PDLIM2: variants seen among roughly 807,000 people sequenced by gnomAD.
The protein encoded by PDLIM2 is PDZ and LIM domain 2, also known as PDZ and LIM domain protein 2.
Under a neutral mutation model 54.1 loss-of-function variants are expected in PDLIM2, and 51 were observed. The ratio of observed to expected loss-of-function variants is 0.94; its 90% CI spans 0.75 to 1.19. PDLIM2 has a LOEUF of 1.19. Ranked by LOEUF, PDLIM2 falls within the 50% of genes most tolerant of loss-of-function variation. PDLIM2 has a pLI of 0.00. For synonymous variants in PDLIM2, 398 were observed against 385.6 expected (o/e 1.03, Z -0.38); for missense variants, 912 against 874.0 (o/e 1.04, Z -0.55).
chr8:22,585,126 G>A lies in PDLIM2; in HGVS notation c.1175G>A (p.Ser392Asn). 1 of 1,613,718 alleles carries A rather than the reference G, an allele frequency of 6.2e-7. No individual in the cohort carries two copies. The highest frequency in any genetic ancestry group is 8.5e-7 in the Non-Finnish European group (1 of 1,179,998). Reference sequence around the variant, plus strand: ...AGCCCCTTCTCACCACCACCCTCTAGCAGCTCCCTCACTGGAGAGGCAGCC... The same window carrying A: ...AGCCCCTTCTCACCACCACCCTCTAACAGCTCCCTCACTGGAGAGGCAGCC... The change falls in exon 5 of 10, where the codon AGC becomes AAC. Residue 392 changes from serine (S) to asparagine (N), a missense_variant. Coordinates refer to ENST00000308354, the Ensembl canonical transcript of PDLIM2.
intron 3 of PDLIM2, 51 bp downstream of exon 2, chr8:22,581,581 C>T (rs1346005995): frequency 2.0e-6 from 3 of 1,523,554 alleles, no homozygotes; most frequent in Non-Finnish European, 2.6e-6. Context: ...CCTCCACCAC[C>T]CCACGTATTG....
chr8:22,592,160 C>A (rs1289501516), intron 9 of PDLIM2: 5 of 142,310 alleles, frequency 3.5e-5, no homozygotes, highest in African/African-American at 8.0e-5. Context: ...CAGCTCACTG[C>A]AAGCTCTGCC....
exon 4 of PDLIM2, chr8:22,584,833 G>A (rs200937677): frequency 1.2e-5 from 19 of 1,613,978 alleles, no homozygotes; most frequent in African/African-American, 2.7e-5. Flanking sequence ...CTCAGGCTAC[G>A]TCTCCAGGGC....
intron 8 of PDLIM2, chr8:22,591,211 G>A: frequency 3.1e-6 from 1 of 319,862 alleles, no homozygotes; most frequent in East Asian, 9.0e-5. Context: ...GCCACACCGA[G>A]GCATTGCGCT....
In PDLIM2 at chr8:22,589,081, C is replaced by T. The variant is rs547573881; in HGVS notation, c.1291-217C>T. 7.8e-5 allele frequency: 46 copies of T among 589,762 alleles called. No individual in the cohort carries two copies. In the South Asian group the frequency reaches 8.2e-4, roughly 10 times the overall value. 36.5% of individuals were successfully genotyped at this position (589,762 alleles called of 1,614,324 possible). A position where few individuals can be genotyped will look rare whatever the true frequency, so the allele number is the denominator to read the frequency against. On this transcript the variant is annotated intron_variant, in intron 6 of 9. Coordinates refer to ENST00000308354, the Ensembl canonical transcript of PDLIM2. ...CCTCTCTGGACCCTGGCAGTCTCTG[C>T]GCCCTGGCTCCGAGGGAAGGGGCAG...
chr8:22,581,623 C>T (rs1443956682), intron 3 of PDLIM2, 93 bp downstream of exon 2: 9 of 1,453,184 alleles, frequency 6.2e-6, no homozygotes, highest in Non-Finnish European at 8.2e-6. Context: ...TGGGCTAGAG[C>T]TCAGCCCTAA....
At chr8:22,598,024 T>G (rs1800716332), downstream of PDLIM2, 2 of 152,350 alleles carry the variant, frequency 1.3e-5, no homozygotes, top group African/African-American at 4.8e-5. Context: ...TTTTAAAATC[T>G]GATAGTTTGT....
intron 8 of PDLIM2, 107 bp downstream of exon 7, chr8:22,589,848 AC>A: frequency 1.4e-6 from 2 of 1,429,686 alleles, no homozygotes; most frequent in Non-Finnish European, 1.9e-6. Context: ...TGAGGTGCTC[AC>A]CCCAGGACTA....
chr8:22,579,468 C>T, exon 1 of PDLIM2: 1 of 1,517,014 alleles, frequency 6.6e-7, no homozygotes. Context: ...AGAGCCGGGC[C>T]ATCGGGCTGG....
chr8:22,589,039 ACCCGCATGCCTCCCT>A, intron 6 of PDLIM2: 1 of 572,124 alleles, frequency 1.7e-6, no homozygotes, highest in Non-Finnish European at 3.1e-6. Flanking sequence ...CCCCGGCAGA[ACCCGCATGCCTCCCT>A]CCCTCTCTGG....
At chr8:22,594,263 C>G (rs1028397415) in exon 10 of PDLIM2, 2 of 1,394,198 alleles carry the variant, frequency 1.4e-6, no homozygotes, top group Non-Finnish European at 1.9e-6. Flanking sequence ...TTTTGACATA[C>G]TAGCTCTATA....
chr8:22,592,270 C>G (rs184807574), intron 9 of PDLIM2: 1 of 151,926 alleles, frequency 6.6e-6, no homozygotes, highest in Non-Finnish European at 1.5e-5. Context: ...TTAGTAGAGA[C>G]GCGTTTTCCC....
In PDLIM2 at chr8:22,581,639, C is replaced by A. The variant is rs1323648484; in HGVS notation, c.995+109C>A. 1.1e-5 allele frequency: 15 copies of A among 1,379,322 alleles called. No individual in the cohort carries two copies. The East Asian group carries it at 3.3e-4, about 31-fold the overall frequency. The allele number at this position is 1,379,322 out of a possible 1,614,324, so 85.4% of individuals were successfully genotyped here. A position where few individuals can be genotyped will look rare whatever the true frequency, so the allele number is the denominator to read the frequency against. On this transcript the variant is annotated intron_variant, in intron 3 of 9. Transcript: ENST00000308354. Reference sequence around the variant, plus strand: ...GGGCTAGAGCTCAGCCCTAAAGCGGCCTTCTTGGGCCCTCTCCACACCTTG... The same window carrying A: ...GGGCTAGAGCTCAGCCCTAAAGCGGACTTCTTGGGCCCTCTCCACACCTTG...
At chr8:22,579,079 C>T (rs1345843013) in exon 1 of PDLIM2, 2 of 1,255,228 alleles carry the variant, frequency 1.6e-6, no homozygotes, top group Non-Finnish European at 2.0e-6. Context: ...GGGGCGGCCC[C>T]GGGATCACAT....
chr8:22,594,328 G>A (rs539677903), downstream of PDLIM2: 5 of 1,430,780 alleles, frequency 3.5e-6, no homozygotes, highest in African/African-American at 1.4e-5. Flanking sequence ...TTTTCCTACC[G>A]CCAGCCCTGG....
exon 10 of PDLIM2, chr8:22,594,148 C>T: frequency 7.0e-7 from 1 of 1,418,818 alleles, no homozygotes; most frequent in Non-Finnish European, 9.2e-7. Context: ...CTGAGGTGGC[C>T]ACTGCCTTTG....
In PDLIM2 at chr8:22,585,318, C is replaced by G; in HGVS notation, c.1212-3C>G. The stretch of plus-strand genomic sequence containing the variant: ...GCACACACTGTCCCTTTCCCACTTT[C>G]AGCTTCCAGAGTCTGGCATGTTCCC... On this transcript the variant is annotated splice_polypyrimidine_tract_variant and splice_region_variant and intron_variant, in intron 5 of 9. Coordinates refer to ENST00000308354, the Ensembl canonical transcript of PDLIM2. 2.5e-6 allele frequency: 4 copies of G among 1,612,980 alleles called. No homozygotes were observed. The highest frequency in any genetic ancestry group is 2.2e-5 in the East Asian group (1 of 44,878).
At chr8:22,578,963 G>C in exon 1 of PDLIM2, 1 of 1,240,230 alleles carries the variant, frequency 8.1e-7, no homozygotes, top group Non-Finnish European at 1.0e-6. Context: ...GCCTGCAGGG[G>C]GCCCTGGGGA....
exon 10 of PDLIM2, chr8:22,593,885 C>T (rs1264775105): frequency 3.9e-6 from 6 of 1,549,548 alleles, no homozygotes; most frequent in Non-Finnish European, 2.6e-6. Flanking sequence ...TACTCCGCAC[C>T]TGCCACCCTC....
Sources: gnomAD v4.1 joint callset for allele counts on GRCh38, gnomAD v4.1.1 for gene constraint, MANE v1.5 for transcripts, NCBI Gene and HGNC (gene_info 2026-07-23, HGNC 2026-07-21) for gene names.